The following TSPAN7 variants were observed in gnomAD, a reference collection of about 807,000 sequenced individuals.
The protein encoded by TSPAN7 is tetraspanin-7.
A neutral mutation model predicts 17.6 loss-of-function variants in TSPAN7; 1 was observed. That is an observed-to-expected ratio of 0.06 (90% CI 0.02 to 0.27). The LOEUF is 0.27. Among genes scored for constraint, TSPAN7 ranks in the 10% least tolerant of loss-of-function variants. TSPAN7 has a pLI of 1.00. For synonymous variants in TSPAN7, 78 were observed against 79.0 expected (o/e 0.99, Z 0.07); for missense variants, 112 against 201.7 (o/e 0.56, Z 2.69).
intron 2 of TSPAN7, among the ~76,000 whole-genome samples, chrX:38,669,717 C>A (rs2069808008): frequency 8.9e-6 from 1 of 112,307 alleles, no homozygotes; most frequent in Non-Finnish European, 1.9e-5. Flanking sequence ...AATTGCAAAA[C>A]AACTGAAAAT....
intron 1 of TSPAN7, among the ~76,000 whole-genome samples, chrX:38,638,423 A>G (rs922582900): frequency 2.7e-5 from 3 of 112,353 alleles, no homozygotes; most frequent in Non-Finnish European, 5.6e-5. Context: ...AATAGAATAC[A>G]TGCTCATAGT....
At chrX:38,630,656 C>T (rs899342900) in intron 1 of TSPAN7, among the ~76,000 whole-genome samples, 1 of 112,068 alleles carries the variant, frequency 8.9e-6, no homozygotes, top group African/African-American at 3.2e-5. Context: ...CACGGTATAC[C>T]TTTAGGCCAT....
intron 1 of TSPAN7, among the ~76,000 whole-genome samples, chrX:38,582,318 TTACAAA>T (rs2069231972): frequency 8.9e-6 from 1 of 112,205 alleles, no homozygotes; most frequent in African/African-American, 3.2e-5. Flanking sequence ...TTATCATATG[TTACAAA>T]TACAAAGCTC....
intron 1 of TSPAN7, among the ~76,000 whole-genome samples, chrX:38,584,110 T>C (rs2069243986): frequency 9.2e-6 from 1 of 108,214 alleles, no homozygotes; most frequent in African/African-American, 3.4e-5. Flanking sequence ...CCCACCCCCA[T>C]GCCCAGCTAA....
At chrX:38,578,583 C>T (rs1469677882) in intron 1 of TSPAN7, among the ~76,000 whole-genome samples, 1 of 110,742 alleles carries the variant, frequency 9.0e-6, no homozygotes, top group African/African-American at 3.3e-5. Context: ...TAGAACAGGC[C>T]GCTCTTTGAG....
chrX:38,651,073 A>G (rs1344886742), intron 1 of TSPAN7, among the ~76,000 whole-genome samples: 1 of 103,848 alleles, frequency 9.6e-6, no homozygotes, highest in East Asian at 3.1e-4. Flanking sequence ...ATATATATAT[A>G]GTTAATAACA....
intron 1 of TSPAN7, among the ~76,000 whole-genome samples, chrX:38,586,413 A>G (rs971993770): frequency 8.9e-6 from 1 of 112,283 alleles, no homozygotes; most frequent in African/African-American, 3.2e-5. Context: ...AAAACAATGT[A>G]TTTCTTTTAA....
intron 3 of TSPAN7, among the ~76,000 whole-genome samples, chrX:38,672,544 T>A (rs1235616859): frequency 9.0e-6 from 1 of 110,868 alleles, no homozygotes; most frequent in African/African-American, 3.3e-5. Context: ...CCATTCATAG[T>A]CTCTAGTGAA....
At chrX:38,650,272 T>C (rs1164650247) in intron 1 of TSPAN7, among the ~76,000 whole-genome samples, 1 of 112,252 alleles carries the variant, frequency 8.9e-6, no homozygotes, top group African/African-American at 3.2e-5. Context: ...AGTAGCCACA[T>C]GATTTGTGGT....
At chrX:38,632,016 AT>A (rs920710933) in intron 1 of TSPAN7, among the ~76,000 whole-genome samples, 6 of 108,717 alleles carry the variant, frequency 5.5e-5, no homozygotes, top group Non-Finnish European at 7.7e-5. Context: ...ATCTTTTGCA[AT>A]TTTTTTTTTA....
intron 1 of TSPAN7, among the ~76,000 whole-genome samples, chrX:38,564,231 A>G (rs1055745643): frequency 2.7e-5 from 3 of 111,196 alleles, no homozygotes; most frequent in Non-Finnish European, 3.8e-5. Context: ...TATAAATGTA[A>G]TCATACAATA....
intron 1 of TSPAN7, among the ~76,000 whole-genome samples, chrX:38,569,905 A>G (rs2069161216): frequency 8.9e-6 from 1 of 111,940 alleles, no homozygotes; most frequent in Non-Finnish European, 1.9e-5. Context: ...AGCATCTAAA[A>G]CAGCAATAGT....
At chrX:38,675,655 A>G in intron 4 of TSPAN7, 50 bp from the exon 5 acceptor site, 9 of 1,200,597 alleles carry the variant, frequency 7.5e-6, no homozygotes, top group Non-Finnish European at 1.0e-5. Flanking sequence ...GATTGAGGAG[A>G]CCACATTTGA....
chrX:38,681,960 G>C (rs191756856), intron 6 of TSPAN7, among the ~76,000 whole-genome samples: 1 of 111,667 alleles, frequency 9.0e-6, no homozygotes, highest in Non-Finnish European at 1.9e-5. Flanking sequence ...TGTAGCCCAC[G>C]TCCACCAGGC....
intron 6 of TSPAN7, 117 bp downstream of exon 6, chrX:38,681,404 G>A (rs920651996): frequency 9.8e-6 from 6 of 613,669 alleles, no homozygotes; most frequent in African/African-American, 8.7e-5. Flanking sequence ...TGGGGTCAAA[G>A]CTCCTTGCTC....
At chrX:38,653,745 G>A (rs1316210837) in intron 1 of TSPAN7, among the ~76,000 whole-genome samples, 2 of 112,161 alleles carry the variant, frequency 1.8e-5, no homozygotes, top group Non-Finnish European at 1.9e-5. Context: ...GCTTGAAGGA[G>A]GGGAATAATG....
intron 1 of TSPAN7, among the ~76,000 whole-genome samples, chrX:38,594,899 T>C (rs1365226385): frequency 9.0e-6 from 1 of 111,303 alleles, no homozygotes; most frequent in Non-Finnish European, 1.9e-5. Context: ...ATTTTGCCTT[T>C]TTTACTTCTA....
rs2069619285 is a variant in TSPAN7 at position 38,642,557 on chromosome X, G to T, written c.82-23564G>T. ...GCTCAGAGAAATAGACTTAAATGCC[G>T]CAAAATCCAGAGGATGAAAGATTCA... On this transcript the variant is annotated intron_variant, in intron 1 of 7. Coordinates refer to ENST00000378482, the MANE Select transcript of TSPAN7 (RefSeq NM_004615.4). 3.6e-5 allele frequency among the ~76,000 whole-genome samples: 4 copies of T among 112,074 alleles called. No individual in the cohort carries two copies. The Admixed American group carries it at 3.8e-4, about 11-fold the overall frequency.
intron 1 of TSPAN7, among the ~76,000 whole-genome samples, chrX:38,577,488 A>G (rs965947204): frequency 9.2e-6 from 1 of 109,155 alleles, no homozygotes; most frequent in African/African-American, 3.3e-5. Flanking sequence ...TAGGCATTCA[A>G]ACTCAAGATA....
Sources: allele counts gnomAD v4.1 joint callset (sites outside exome capture counted in the v4.1 genomes callset), GRCh38; gene constraint gnomAD v4.1.1; transcripts MANE v1.5; gene names NCBI Gene and HGNC (gene_info 2026-07-23, HGNC 2026-07-21).